The following NDUFS4 variants were observed in gnomAD, a reference collection of about 807,000 sequenced individuals.
NDUFS4 encodes the protein NADH dehydrogenase [ubiquinone] iron-sulfur protein 4, mitochondrial.
A neutral mutation model predicts 24.3 loss-of-function variants in NDUFS4; 28 were observed. That is an observed-to-expected ratio of 1.15 (90% confidence interval 0.85 to 1.58). The LOEUF (loss-of-function observed/expected upper bound fraction) is 1.58. Among genes scored for constraint, NDUFS4 ranks in the 40% most tolerant of loss-of-function variants. The pLI is 0.00. For missense variants in NDUFS4, 223 were observed against 207.9 expected (o/e 1.07, Z -0.45); for synonymous variants, 93 against 69.7 (o/e 1.34, Z -1.67).
intron 2 of NDUFS4, among the ~76,000 whole-genome samples, chr5:53,610,232 G>T (rs1031235451): frequency 8.5e-5 from 13 of 152,062 alleles, no homozygotes; most frequent in African/African-American, 3.1e-4. Flanking sequence ...TTTCAATATT[G>T]TTGTCTCAGT....
At chr5:53,642,162 C>T (rs1392091494) in intron 2 of NDUFS4, among the ~76,000 whole-genome samples, 4 of 151,972 alleles carry the variant, frequency 2.6e-5, no homozygotes, top group East Asian at 1.9e-4. Flanking sequence ...GTGGGGCAAC[C>T]GGAAGTAATT....
At chr5:53,612,510 C>T (rs1007695627) in intron 2 of NDUFS4, among the ~76,000 whole-genome samples, 4 of 151,970 alleles carry the variant, frequency 2.6e-5, no homozygotes, top group Admixed American at 2.6e-4. Context: ...AATGTAAAAT[C>T]CTAATAGTTT....
chr5:53,611,960 A>T (rs1750711205), intron 2 of NDUFS4, among the ~76,000 whole-genome samples: 1 of 152,250 alleles, frequency 6.6e-6, no homozygotes, highest in African/African-American at 2.4e-5. Flanking sequence ...TTAGTCCTAC[A>T]TAGGTATACC....
intron 4 of NDUFS4, among the ~76,000 whole-genome samples, chr5:53,676,094 C>CA (rs2111591547): frequency 6.6e-6 from 1 of 152,268 alleles, no homozygotes; most frequent in South Asian, 2.1e-4. Context: ...ATAAGGGAGC[C>CA]AGGCAAATGT....
chr5:53,633,386 C>G (rs997881496), intron 2 of NDUFS4, among the ~76,000 whole-genome samples: 2 of 152,078 alleles, frequency 1.3e-5, no homozygotes, highest in Non-Finnish European at 2.9e-5. Flanking sequence ...TTTGACCTTT[C>G]CCTGACCATA....
chr5:53,641,407 A>G (rs985297480), intron 2 of NDUFS4, among the ~76,000 whole-genome samples: 12 of 152,186 alleles, frequency 7.9e-5, no homozygotes, highest in Admixed American at 7.9e-4. Context: ...AACTATTTCT[A>G]TCATATTATC....
At chr5:53,644,993 T>C (rs114935138) in intron 2 of NDUFS4, among the ~76,000 whole-genome samples, 1 of 152,246 alleles carries the variant, frequency 6.6e-6, no homozygotes, top group African/African-American at 2.4e-5. Context: ...CTAAGTATTC[T>C]TGCCAGTTAT....
At position 53,582,300 on chromosome 5, in the gene NDUFS4, A is replaced by G. The variant is rs544904216; in HGVS notation, c.99-21152A>G. Among the ~76,000 whole-genome samples the G allele has an allele frequency of 1.5e-3, 227 of 152,306 alleles. 1 individual carries two copies. The highest frequency in any genetic ancestry group is 5.0e-3 in the African/African-American group (206 of 41,578). On this transcript the variant is annotated intron_variant, in intron 1 of 4. Transcript: ENST00000296684. ...ACACATTTAAGAAAGATGAATAAAA[A>G]CAAGTAAGATACTTATCCATTTATT... is the stretch of plus-strand genomic sequence containing the variant.
At position 53,683,320 on chromosome 5, in the gene NDUFS4, A is replaced by G. The variant is rs1740746672; in HGVS notation, c.*99A>G. The G allele has an allele frequency of 1.0e-5, 9 of 877,090 alleles. No individual in the cohort carries two copies. The highest frequency in any genetic ancestry group is 1.5e-5 in the Non-Finnish European group (8 of 526,770). The allele number at this position is 877,090 out of a possible 1,614,324, so 54.3% of individuals were successfully genotyped here. On this transcript the variant is annotated 3_prime_UTR_variant, in exon 5 of 5. Transcript: ENST00000296684. ...AATACATCTCTTAATCTCCTAATAA[A>G]TTGGACCTTTAAACTACAGATACAT...
intron 4 of NDUFS4, among the ~76,000 whole-genome samples, chr5:53,675,184 C>T (rs1195686559): frequency 3.2e-4 from 28 of 88,000 alleles, no homozygotes; most frequent in Admixed American, 1.9e-3. Context: ...TTTTTTGAGG[C>T]GGAGTCTCAC....
chr5:53,626,794 A>G (rs566558142), intron 2 of NDUFS4, among the ~76,000 whole-genome samples: 1 of 152,174 alleles, frequency 6.6e-6, no homozygotes, highest in Non-Finnish European at 1.5e-5. Context: ...CCTTTGTCAG[A>G]TTGATAGATT....
intron 3 of NDUFS4, among the ~76,000 whole-genome samples, chr5:53,654,136 A>G (rs1752097561): frequency 6.6e-6 from 1 of 152,120 alleles, no homozygotes; most frequent in South Asian, 2.1e-4. Flanking sequence ...TGTTTCTGAT[A>G]TAATAAAATG....
chr5:53,652,727 T>G (rs1752053584), intron 3 of NDUFS4, among the ~76,000 whole-genome samples: 1 of 152,180 alleles, frequency 6.6e-6, no homozygotes, highest in African/African-American at 2.4e-5. Context: ...CTCTTTTAAT[T>G]ACCTGAGTCT....
chr5:53,595,951 A>G (rs926419320), intron 1 of NDUFS4, among the ~76,000 whole-genome samples: 3 of 152,212 alleles, frequency 2.0e-5, no homozygotes, highest in African/African-American at 7.2e-5. Context: ...ATTTTAAGAT[A>G]ATATTCAGTA....
At chr5:53,678,230 A>C (rs1006355622) in intron 4 of NDUFS4, among the ~76,000 whole-genome samples, 1 of 152,202 alleles carries the variant, frequency 6.6e-6, no homozygotes, top group East Asian at 1.9e-4. Flanking sequence ...TGGGATGTTA[A>C]AGATCACATT....
At chr5:53,569,962 T>C (rs1239717067) in intron 1 of NDUFS4, among the ~76,000 whole-genome samples, 1 of 152,214 alleles carries the variant, frequency 6.6e-6, no homozygotes, top group Non-Finnish European at 1.5e-5. Context: ...AAGTTGACTC[T>C]AGGTTGGATT....
At chr5:53,632,099 C>T (rs1479481442) in intron 2 of NDUFS4, among the ~76,000 whole-genome samples, 2 of 152,232 alleles carry the variant, frequency 1.3e-5, no homozygotes, top group Admixed American at 6.5e-5. Flanking sequence ...ATGCAGAAAT[C>T]ACCCATCTTC....
At chr5:53,613,230 A>G (rs1561362959) in intron 2 of NDUFS4, among the ~76,000 whole-genome samples, 1 of 152,034 alleles carries the variant, frequency 6.6e-6, no homozygotes, top group Non-Finnish European at 1.5e-5. Context: ...TAGCATCTCA[A>G]GTGTCTGTTT....
In NDUFS4 at chr5:53,683,161, G is replaced by A; in HGVS notation, c.468G>A (p.Lys156=). The change falls in exon 5 of 5, where the codon AAG becomes AAA. Residue 156 remains lysine, a synonymous_variant. Coordinates refer to ENST00000296684, the MANE Select transcript of NDUFS4 (RefSeq NM_002495.4). ...AAGAGAGGAAGGTTCCAAAACCCAA[G>A]TCCAAGTCTTATGGTGCAAACTTTT... ...DIEERKVPKP[K]SKSYGANFSW... is the part of the protein sequence containing the mutation. 1.2e-6 allele frequency: 2 copies of A among 1,612,610 alleles called. No homozygotes were observed. Among genetic ancestry groups the A allele is most frequent in the Non-Finnish European group, 1.7e-6 (2 of 1,178,966 alleles).
Sources: allele counts gnomAD v4.1 joint callset (sites outside exome capture counted in the v4.1 genomes callset), GRCh38; gene constraint gnomAD v4.1.1; transcripts MANE v1.5; gene names NCBI Gene and HGNC (gene_info 2026-07-23, HGNC 2026-07-21).